Variants in ZNF827 observed in about 807,000 individuals in gnomAD.
The protein encoded by ZNF827 is zinc finger protein 827.
ZNF827 carries 13 observed loss-of-function variants against 102.4 expected under a neutral mutation model. The observed-to-expected ratio is 0.13, with a 90% CI of 0.08 to 0.20. The LOEUF (loss-of-function observed/expected upper bound fraction) is 0.20. ZNF827 is among the 10% of genes least tolerant of loss of function. The pLI is 1.00. For synonymous variants in ZNF827, 523 were observed against 536.2 expected, an observed-to-expected ratio of 0.98 and a Z score of 0.34; for missense variants, 1,103 against 1,344.4, an observed-to-expected ratio of 0.82 and a Z score of 2.81.
intron 7 of ZNF827, among the ~76,000 whole-genome samples, chr4:145,843,559 G>T (rs1481153065): frequency 1.3e-5 from 2 of 152,116 alleles, no homozygotes; most frequent in East Asian, 3.9e-4. Context: ...TCTTCCTAGA[G>T]AACACCTAAA....
chr4:145,885,610 CAGAGAGAGAGAGAG>C lies in ZNF827; in HGVS notation c.1747+54_1747+67del, dbSNP rs200461563. The C allele has an allele frequency of 6.8e-3, 8,039 of 1,173,648 alleles. 9 individuals carry two copies. Among genetic ancestry groups the C allele is most frequent in the Admixed American group, 0.031 (1,029 of 32,890 alleles). The allele number at this position is 1,173,648 out of a possible 1,614,324, so 72.7% of individuals were successfully genotyped here. A position where few individuals can be genotyped will look rare whatever the true frequency, so the allele number is the denominator to read the frequency against. ...AAATAAGAATACTGGTAGACAGAGA[CAGAGAGAGAGAGAG>C]AGAGAGAGAGAGAGAGAGAGAGAGA... On this transcript the variant is annotated intron_variant, in intron 4 of 14. Transcript: ENST00000508784.
intron 4 of ZNF827, among the ~76,000 whole-genome samples, chr4:145,883,268 C>G (rs900966195): frequency 6.6e-6 from 1 of 152,114 alleles, no homozygotes; most frequent in Non-Finnish European, 1.5e-5. Context: ...TTCAGGACCT[C>G]CAGTAAGCCA....
Position 145,845,941 on chromosome 4 carries a change from C to G in ZNF827, c.2279+15G>C. ...ACACGGGGTGTTCTGGAGGAACCCA[C>G]ACAAAGTCGCCTACCTGGTCGTGGT... On this transcript the variant is annotated intron_variant, in intron 7 of 14. Transcript: ENST00000508784. 2.5e-6 allele frequency: 4 copies of G among 1,614,190 alleles called. No homozygotes were observed. Among genetic ancestry groups the G allele is most frequent in the Non-Finnish European group, 3.4e-6 (4 of 1,180,022 alleles).
chr4:145,936,080 T>G (rs554155311), intron 1 of ZNF827, among the ~76,000 whole-genome samples: 1 of 152,122 alleles, frequency 6.6e-6, no homozygotes, highest in Non-Finnish European at 1.5e-5. Context: ...AAAGTTGCCA[T>G]CTAAGGGCAA....
Position 145,762,990 on chromosome 4 carries a change from C to T in ZNF827, c.*17+100G>A. The T allele has an allele frequency of 8.3e-7, 1 of 1,208,640 alleles. No individual in the cohort carries two copies. The highest frequency in any genetic ancestry group is 1.2e-6 in the Non-Finnish European group (1 of 869,238). The allele number at this position is 1,208,640 out of a possible 1,614,324, so 74.9% of individuals were successfully genotyped here. A position where few individuals can be genotyped will look rare whatever the true frequency, so the allele number is the denominator to read the frequency against. On this transcript the variant is annotated intron_variant, in intron 14 of 14. Transcript: ENST00000508784. The surrounding 1 kb of genome is among the most constrained non-coding windows in gnomAD (Gnocchi z 4.9). Reference sequence around the variant, plus strand: ...TCCTCAGCGCCAAGCTCGCCGTTAGCCTTTGAACCTCAGCTCACAGAAGAG... The same window carrying T: ...TCCTCAGCGCCAAGCTCGCCGTTAGTCTTTGAACCTCAGCTCACAGAAGAG...
At chr4:145,795,264 C>G (rs1740256563) in intron 8 of ZNF827, among the ~76,000 whole-genome samples, 1 of 152,246 alleles carries the variant, frequency 6.6e-6, no homozygotes, top group Admixed American at 6.5e-5. Flanking sequence ...TCTCATGCCT[C>G]AGCCTTCCGA....
At chr4:145,869,893 C>A (rs1748531419) in intron 5 of ZNF827, among the ~76,000 whole-genome samples, 1 of 152,152 alleles carries the variant, frequency 6.6e-6, no homozygotes, top group African/African-American at 2.4e-5. Flanking sequence ...GCCAGGTCCT[C>A]TATTAGGAAA....
rs193162039 is a variant in ZNF827 at position 145,773,820 on chromosome 4, G to A, written c.2860+686C>T. On this transcript the variant is annotated intron_variant, in intron 11 of 14. Transcript: ENST00000508784. ...CATGCCATGCGTCATTAAGGAGAGC[G>A]TCAGGGCTGCAGTTTCACTGGAGAG... Among the ~76,000 whole-genome samples, 10 of 152,252 alleles carry A rather than the reference G, an allele frequency of 6.6e-5. No homozygotes were observed. The South Asian group carries it at 1.0e-3, about 16-fold the overall frequency.
At chr4:145,794,428 T>G (rs555080873) in intron 8 of ZNF827, among the ~76,000 whole-genome samples, 2 of 152,308 alleles carry the variant, frequency 1.3e-5, no homozygotes, top group African/African-American at 4.8e-5. Context: ...ACACATAGCC[T>G]GCAATCCCAG....
intron 4 of ZNF827, among the ~76,000 whole-genome samples, chr4:145,878,510 C>T (rs1371361457): frequency 6.6e-6 from 1 of 151,116 alleles, no homozygotes; most frequent in Non-Finnish European, 1.5e-5. Flanking sequence ...GAGTTCGAGA[C>T]CAGCCTGGGT....
intron 7 of ZNF827, among the ~76,000 whole-genome samples, chr4:145,825,628 A>G (rs1743602736): frequency 6.6e-6 from 1 of 152,158 alleles, no homozygotes; most frequent in Non-Finnish European, 1.5e-5. Context: ...TTCTAGGTGA[A>G]GCGAGCAGAG....
rs546207185 is a variant in ZNF827 at position 145,783,554 on chromosome 4, T to C, written c.2384-4043A>G. Among the ~76,000 whole-genome samples, 29 of 152,370 alleles carry C rather than the reference T, an allele frequency of 1.9e-4. No homozygotes were observed. The South Asian group carries it at 5.8e-3, about 30-fold the overall frequency. Reference sequence around the variant, plus strand: ...CTTTATGATGAACTCTGGCAGTTGCTATTTTCAGTTAACCCAACAGTCATT... The same window carrying C: ...CTTTATGATGAACTCTGGCAGTTGCCATTTTCAGTTAACCCAACAGTCATT... On this transcript the variant is annotated intron_variant, in intron 8 of 14. Coordinates refer to ENST00000508784, the MANE Select transcript of ZNF827 (RefSeq NM_001306215.2).
intron 1 of ZNF827, among the ~76,000 whole-genome samples, chr4:145,936,675 C>A (rs534609160): frequency 9.9e-5 from 15 of 152,188 alleles, no homozygotes; most frequent in African/African-American, 3.6e-4. Flanking sequence ...GCGGTTATTT[C>A]GCGAGGGGGA....
intron 4 of ZNF827, among the ~76,000 whole-genome samples, chr4:145,878,885 C>A (rs1041615916): frequency 3.3e-5 from 5 of 151,638 alleles, no homozygotes; most frequent in African/African-American, 1.2e-4. Context: ...GGGGGCAGTG[C>A]TGGGGAGGAA....
chr4:145,850,511 A>G (rs770466436), intron 5 of ZNF827, among the ~76,000 whole-genome samples: 4 of 152,170 alleles, frequency 2.6e-5, no homozygotes, highest in Admixed American at 6.5e-5. Flanking sequence ...TAATGGTACA[A>G]TTTACTGTGT....
chr4:145,876,807 ATGT>A (rs1749186074), intron 4 of ZNF827: 1 of 152,230 alleles, frequency 6.6e-6, no homozygotes, highest in South Asian at 2.1e-4. Context: ...CAGTTGCCAA[ATGT>A]TGTCAACTTT....
chr4:145,789,644 C>G (rs975744826), intron 8 of ZNF827, among the ~76,000 whole-genome samples: 1 of 152,112 alleles, frequency 6.6e-6, no homozygotes, highest in Non-Finnish European at 1.5e-5. Context: ...TTCCCAAACC[C>G]GAATCTGTCT....
At chr4:145,886,397 A>G (rs1279773203) in intron 3 of ZNF827, among the ~76,000 whole-genome samples, 4 of 152,202 alleles carry the variant, frequency 2.6e-5, no homozygotes, top group African/African-American at 9.6e-5. Flanking sequence ...CAGCCGGCCA[A>G]CGGATGCTAT....
chr4:145,815,699 A>T (rs1011618176), intron 8 of ZNF827, among the ~76,000 whole-genome samples: 1 of 152,256 alleles, frequency 6.6e-6, no homozygotes, highest in Non-Finnish European at 1.5e-5. Flanking sequence ...CATATTGTAT[A>T]TACAGAAAAG....
Sources: gnomAD v4.1 joint callset for allele counts (sites outside exome capture counted in the v4.1 genomes callset) on GRCh38, gnomAD v4.1.1 for gene constraint, Gnocchi (gnomAD v3.1) non-coding constraint, MANE v1.5 for transcripts, NCBI Gene and HGNC (gene_info 2026-07-23, HGNC 2026-07-21) for gene names.